The following EMILIN2 variants were observed in gnomAD, a reference collection of about 807,000 sequenced individuals.
The protein encoded by EMILIN2 is EMILIN-2.
EMILIN2 carries 71 observed loss-of-function variants against 87.1 expected under a neutral mutation model. The ratio of observed to expected loss-of-function variants is 0.82; its 90% CI spans 0.67 to 0.99. EMILIN2 has a LOEUF of 0.99. Ranked by LOEUF, EMILIN2 falls within the 50% of genes least tolerant of loss-of-function variation. EMILIN2 has a pLI of 0.00. For missense variants in EMILIN2, 1,407 were observed against 1,371.8 expected, an observed-to-expected ratio of 1.03 and a Z score of -0.40; for synonymous variants, 581 against 563.4, an observed-to-expected ratio of 1.03 and a Z score of -0.44.
chr18:2,913,397 AC>A lies in EMILIN2; in HGVS notation c.3157del (p.Leu1053SerfsTer12), dbSNP rs766560344. On this transcript the variant is annotated frameshift_variant, in exon 8 of 8. Coordinates refer to ENST00000254528, the MANE Select transcript of EMILIN2 (RefSeq NM_032048.3). LOFTEE classifies it high-confidence loss of function. Reference sequence around the variant, plus strand: ...GTTTTCTTATATCCTTTCCTTTCCCACCTCTAAGGTGGCTGGGGAGATGTCA... The same window carrying A: ...GTTTTCTTATATCCTTTCCTTTCCCACTCTAAGGTGGCTGGGGAGATGTCA... ...SGVFLYPFLSHL is the reference protein window; with the variant it reads ...SGVFLYPFLSXL 4.4e-6 allele frequency: 7 copies of A among 1,584,794 alleles called. No homozygotes were observed. The African/African-American group carries it at 9.5e-5, about 22-fold the overall frequency.
intron 3 of EMILIN2, among the ~76,000 whole-genome samples, chr18:2,888,444 G>A (rs999282148): frequency 3.3e-5 from 5 of 151,930 alleles, no homozygotes; most frequent in Admixed American, 1.3e-4. Context: ...GGCCGGGCGC[G>A]GTGGCTCACG....
chr18:2,900,576 C>T (rs551575872), intron 4 of EMILIN2, among the ~76,000 whole-genome samples: 1 of 152,348 alleles, frequency 6.6e-6, no homozygotes, highest in East Asian at 1.9e-4. Flanking sequence ...GATACTTTTA[C>T]ATGCCTACTT....
intron 4 of EMILIN2, among the ~76,000 whole-genome samples, chr18:2,896,629 C>T (rs1254849431): frequency 6.6e-6 from 1 of 151,860 alleles, no homozygotes; most frequent in East Asian, 1.9e-4. Flanking sequence ...CACGTGCCAT[C>T]GCACCCAGCT....
chr18:2,867,248 T>C (rs2076690956), intron 2 of EMILIN2, among the ~76,000 whole-genome samples: 1 of 152,136 alleles, frequency 6.6e-6, no homozygotes, highest in Non-Finnish European at 1.5e-5. Context: ...CTCTGTCTTG[T>C]GGAATAGTGT....
At chr18:2,868,791 A>AGGAGAG (rs775873942) in intron 2 of EMILIN2, among the ~76,000 whole-genome samples, 7 of 152,222 alleles carry the variant, frequency 4.6e-5, no homozygotes, top group South Asian at 2.1e-4. Context: ...CCGTGGAAAG[A>AGGAGAG]GGAGAGGGAG....
intron 7 of EMILIN2, among the ~76,000 whole-genome samples, chr18:2,910,528 G>A (rs1184815308): frequency 6.6e-6 from 1 of 152,182 alleles, no homozygotes; most frequent in Non-Finnish European, 1.5e-5. Context: ...CATCAGGACA[G>A]AGCTCCCAGG....
intron 3 of EMILIN2, among the ~76,000 whole-genome samples, chr18:2,888,852 CTT>C (rs1246486945): frequency 6.6e-6 from 1 of 150,758 alleles, no homozygotes; most frequent in Non-Finnish European, 1.5e-5. Flanking sequence ...TTACCACTAA[CTT>C]GATTTTAATA....
At chr18:2,888,161 C>T (rs936567114) in intron 3 of EMILIN2, among the ~76,000 whole-genome samples, 1 of 152,106 alleles carries the variant, frequency 6.6e-6, no homozygotes, top group African/African-American at 2.4e-5. Flanking sequence ...TAAATTTTTG[C>T]ACTCATTTCT....
At position 2,892,431 on chromosome 18, in the gene EMILIN2, C is replaced by T. The variant is rs148696997; in HGVS notation, c.2304C>T (p.His768=). Residue 768 remains histidine, a synonymous_variant, in exon 4 of 8, where the codon CAC becomes CAT. Transcript: ENST00000254528. ...LKNSVQQFYS[H]VFQISTDLQD... is the part of the protein sequence containing the mutation. The stretch of plus-strand genomic sequence containing the variant: ...ATTCAGTCCAGCAGTTCTACAGCCA[C>T]GTCTTCCAGATTTCTACTGATTTGC... 120 of 1,612,234 alleles carry T rather than the reference C, an allele frequency of 7.4e-5. No individual in the cohort carries two copies. The highest frequency in any genetic ancestry group is 1.5e-4 in the Admixed American group (9 of 59,914).
rs1489890721 is a variant in EMILIN2, at chr18:2,847,658, C to A, written c.135-151C>A. The A allele has an allele frequency of 7.7e-6, 10 of 1,301,310 alleles. No homozygotes were observed. Among genetic ancestry groups the A allele is most frequent in the Non-Finnish European group, 1.0e-5 (10 of 983,456 alleles). The allele number at this position is 1,301,310 out of a possible 1,614,324, so 80.6% of individuals were successfully genotyped here. A position where few individuals can be genotyped will look rare whatever the true frequency, so the allele number is the denominator to read the frequency against. On this transcript the variant is annotated intron_variant, in intron 1 of 7. Coordinates refer to ENST00000254528, the MANE Select transcript of EMILIN2 (RefSeq NM_032048.3). This position sits in a 1 kb window ranked among gnomAD's most constrained non-coding sequence, Gnocchi z 4.5. ...CTCCAGAGGCGCACCCGGGCACCCT[C>A]CGGCGTCTGCTCGGTGAAGCTCCCG...
At position 2,863,868 on chromosome 18, in the gene EMILIN2, G is replaced by C. The variant is rs533852063; in HGVS notation, c.257+15937G>C. Among the ~76,000 whole-genome samples the C allele has an allele frequency of 6.6e-5, 10 of 152,216 alleles. No individual in the cohort carries two copies. In the South Asian group the frequency reaches 1.9e-3, roughly 28 times the overall value. ...GTGTGGGAGTCTAAGTCTCTTTGTAGGTCTCTAAGGACTTGCTTTATGAAT... is the reference window on the plus strand; with the variant it reads ...GTGTGGGAGTCTAAGTCTCTTTGTACGTCTCTAAGGACTTGCTTTATGAAT... On this transcript the variant is annotated intron_variant, in intron 2 of 7. Coordinates refer to ENST00000254528, the MANE Select transcript of EMILIN2 (RefSeq NM_032048.3).
At chr18:2,872,127 A>G (rs1409256936) in intron 2 of EMILIN2, among the ~76,000 whole-genome samples, 1 of 152,204 alleles carries the variant, frequency 6.6e-6, no homozygotes, top group East Asian at 1.9e-4. Context: ...TATCAGTATA[A>G]TTGCTTCATA....
chr18:2,908,061 C>T (rs2076923144), intron 5 of EMILIN2, among the ~76,000 whole-genome samples: 1 of 152,152 alleles, frequency 6.6e-6, no homozygotes. Flanking sequence ...TTTCTCTCAC[C>T]AGCTTTCTTT....
chr18:2,877,976 C>T (rs1395142259), intron 2 of EMILIN2, among the ~76,000 whole-genome samples: 2 of 152,158 alleles, frequency 1.3e-5, no homozygotes, highest in African/African-American at 4.8e-5. Flanking sequence ...TATGATTGCA[C>T]TCAAATGAGG....
At chr18:2,903,247 C>T (rs969468871) in intron 4 of EMILIN2, among the ~76,000 whole-genome samples, 15 of 151,750 alleles carry the variant, frequency 9.9e-5, no homozygotes, top group Non-Finnish European at 2.1e-4. Context: ...GCCAGGGAGA[C>T]GGTGTCCAGA....
In EMILIN2 at chr18:2,866,940, G is replaced by A. The variant is rs142313085; in HGVS notation, c.258-18024G>A. Among the ~76,000 whole-genome samples, 356 of 152,246 alleles carry A rather than the reference G, an allele frequency of 2.3e-3. 2 individuals carry two copies. The highest frequency in any genetic ancestry group is 6.8e-3 in the Middle Eastern group (2 of 294). ...GGATTTTATTAAATGCTTTTTCTGC[G>A]TCTATTGAGATGATCATGTGATTTT... On this transcript the variant is annotated intron_variant, in intron 2 of 7. Transcript: ENST00000254528.
rs1245042651 is a variant in EMILIN2 at position 2,847,204 on chromosome 18, C to T, written c.16C>T (p.Arg6Trp). 1.7e-6 allele frequency: 2 copies of T among 1,206,210 alleles called. No individual in the cohort carries two copies. Among genetic ancestry groups the T allele is most frequent in the East Asian group, 3.8e-5 (1 of 26,240 alleles). 74.7% of individuals were successfully genotyped at this position (1,206,210 alleles called of 1,614,324 possible). Residue 6 changes from arginine (R) to tryptophan (W), a missense_variant, in exon 1 of 8, where the codon CGG becomes TGG. By Grantham distance (101) the Arg-to-Trp change is moderately radical. Coordinates refer to ENST00000254528, the MANE Select transcript of EMILIN2 (RefSeq NM_032048.3). This position sits in a 1 kb window ranked among gnomAD's most constrained non-coding sequence, Gnocchi z 4.5. Reference protein sequence around the residue: MWQPRRPWPRVPWRWA... With the variant: MWQPRWPWPRVPWRWA... ...TGCGCGCGGGATGTGGCAGCCCAGA[C>T]GGCCCTGGCCCCGCGTGCCCTGGCG...
Position 2,878,497 on chromosome 18 carries a change from G to GA in EMILIN2, c.258-6455dup, listed in dbSNP as rs879432468. On this transcript the variant is annotated intron_variant, in intron 2 of 7. Coordinates refer to ENST00000254528, the MANE Select transcript of EMILIN2 (RefSeq NM_032048.3). ...AGAGTGAGACTCTGTCTCAAGGAAG[G>GA]AAAAAAAAAAAAGAGGCTAAATTTC... Among the ~76,000 whole-genome samples, 1,160 of 139,650 alleles carry GA rather than the reference G, an allele frequency of 8.3e-3. 9 individuals are homozygous for GA. Among genetic ancestry groups the GA allele is most frequent in the African/African-American group, 0.023 (877 of 38,238 alleles). The allele number at this position is 139,650 out of a possible 152,430, so 91.6% of individuals were successfully genotyped here.
chr18:2,871,785 C>T (rs193238945), intron 2 of EMILIN2, among the ~76,000 whole-genome samples: 4 of 152,280 alleles, frequency 2.6e-5, no homozygotes, highest in Admixed American at 1.3e-4. Flanking sequence ...AACTATAACC[C>T]TTCATGTGGG....
Sources: allele counts gnomAD v4.1 joint callset (sites outside exome capture counted in the v4.1 genomes callset), GRCh38; gene constraint gnomAD v4.1.1; non-coding constraint Gnocchi (gnomAD v3.1); transcripts MANE v1.5; gene names NCBI Gene and HGNC (gene_info 2026-07-23, HGNC 2026-07-21).